COL5A2: variants seen among roughly 807,000 people sequenced by gnomAD.
COL5A2 encodes the protein collagen alpha-2(V) chain.
In COL5A2, 23 loss-of-function variants were observed where a neutral mutation model predicts 208.2. That is an observed-to-expected ratio of 0.11 (90% CI 0.08 to 0.16). COL5A2 has a LOEUF of 0.16. COL5A2 is among the 10% of genes least tolerant of loss of function. COL5A2 has a pLI of 1.00. For synonymous variants in COL5A2, 625 were observed against 628.5 expected, an observed-to-expected ratio of 0.99 and a Z score of 0.08; for missense variants, 1,590 against 1,956.4, an observed-to-expected ratio of 0.81 and a Z score of 3.53.
the COL5A2 span, among the ~76,000 whole-genome samples, chr2:189,383,170 G>A: frequency 1.3e-5 from 2 of 152,148 alleles, no homozygotes; most frequent in African/African-American, 4.8e-5. Flanking sequence ...CCACAGAATG[G>A]GTGGCTTAAA....
chr2:189,045,340 ATGTG>A (rs111268949), intron 46 of COL5A2, 108 bp from the exon 47 acceptor site: 1,092 of 578,912 alleles, frequency 1.9e-3, no homozygotes, highest in South Asian at 3.0e-3. Context: ...ATATATATAT[ATGTG>A]TGTGTGTGTG....
chr2:189,350,407 TCA>T, the COL5A2 span, among the ~76,000 whole-genome samples: 1 of 152,040 alleles, frequency 6.6e-6, no homozygotes, highest in Non-Finnish European at 1.5e-5. Context: ...CAGGCCCCAC[TCA>T]TATATAAGAA....
chr2:189,372,768 T>C, the COL5A2 span, among the ~76,000 whole-genome samples: 1 of 152,172 alleles, frequency 6.6e-6, no homozygotes, highest in East Asian at 1.9e-4. Flanking sequence ...CATTATAAAG[T>C]GGAATATATC....
chr2:189,276,597 A>T, the COL5A2 span, among the ~76,000 whole-genome samples: 1 of 152,148 alleles, frequency 6.6e-6, no homozygotes, highest in East Asian at 1.9e-4. Context: ...TTTCCATAGG[A>T]ATTGCTCAGT....
At chr2:189,419,758 T>G in the COL5A2 span, among the ~76,000 whole-genome samples, 10 of 150,936 alleles carry the variant, frequency 6.6e-5, no homozygotes, top group Non-Finnish European at 1.3e-4. Context: ...ATCCTACCAC[T>G]GCACTTCAGC....
At chr2:189,162,904 G>T (rs934232798) in intron 1 of COL5A2, among the ~76,000 whole-genome samples, 1 of 151,974 alleles carries the variant, frequency 6.6e-6, no homozygotes, top group Non-Finnish European at 1.5e-5. Context: ...AGATAAAGGA[G>T]GGCAAGCAGC....
At chr2:189,155,802 T>C (rs1174525419) in intron 1 of COL5A2, among the ~76,000 whole-genome samples, 1 of 152,186 alleles carries the variant, frequency 6.6e-6, no homozygotes, top group African/African-American at 2.4e-5. Context: ...ATGTCAGAAG[T>C]CTGAAATGGG....
the COL5A2 span, among the ~76,000 whole-genome samples, chr2:189,331,271 C>T: frequency 6.6e-6 from 1 of 152,162 alleles, no homozygotes; most frequent in Non-Finnish European, 1.5e-5. Flanking sequence ...TGGCTCACAC[C>T]TGTAATCCCA....
At chr2:189,311,820 TG>T in the COL5A2 span, 2 of 1,229,804 alleles carry the variant, frequency 1.6e-6, no homozygotes, top group Non-Finnish European at 1.2e-6. Context: ...TCCTGAGATT[TG>T]GGGGCATCTA....
chr2:189,085,583 G>A, intron 10 of COL5A2, 136 bp downstream of exon 10: 1 of 726,730 alleles, frequency 1.4e-6, no homozygotes, highest in Non-Finnish European at 2.5e-6. Flanking sequence ...ACAGTTCATA[G>A]AACAGGACTC....
chr2:189,402,107 T>C, the COL5A2 span, among the ~76,000 whole-genome samples: 1 of 152,356 alleles, frequency 6.6e-6, no homozygotes, highest in African/African-American at 2.4e-5. Flanking sequence ...TTTCTTGCAA[T>C]TGCTTTTGGC....
rs576248114 is a variant in COL5A2 at position 189,032,405 on chromosome 2, G to A, written c.*1665C>T. 1.3e-5 allele frequency: 2 copies of A among 152,176 alleles called. No individual in the cohort carries two copies. Among genetic ancestry groups the A allele is most frequent in the Admixed American group, 6.6e-5 (1 of 15,256 alleles). 9.4% of individuals were successfully genotyped at this position (152,176 alleles called of 1,614,324 possible). Reference sequence around the variant, plus strand: ...ACATACATGATAGAAGGTATCCGTTGTATCTTTTAAACAAATGGCAAACAA... The same window carrying A: ...ACATACATGATAGAAGGTATCCGTTATATCTTTTAAACAAATGGCAAACAA... On this transcript the variant is annotated 3_prime_UTR_variant, in exon 54 of 54. Coordinates refer to ENST00000374866, the MANE Select transcript of COL5A2 (RefSeq NM_000393.5).
At chr2:189,223,113 A>G (rs1179854321) in intron 1 of COL5A2, among the ~76,000 whole-genome samples, 1 of 152,216 alleles carries the variant, frequency 6.6e-6, no homozygotes, top group African/African-American at 2.4e-5. Context: ...AATTAGTTTT[A>G]TAACAAAATA....
At chr2:189,311,564 T>A in the COL5A2 span, 3 of 1,258,140 alleles carry the variant, frequency 2.4e-6, no homozygotes, top group Non-Finnish European at 2.3e-6. Flanking sequence ...CTGGGCGTAG[T>A]GGGCCTCCAC....
the COL5A2 span, among the ~76,000 whole-genome samples, chr2:189,335,198 G>T: frequency 6.6e-6 from 1 of 151,980 alleles, no homozygotes; most frequent in African/African-American, 2.4e-5. Flanking sequence ...TAAAACAGAA[G>T]CCATTAAAGA....
chr2:189,378,914 A>C, the COL5A2 span, among the ~76,000 whole-genome samples: 1 of 152,124 alleles, frequency 6.6e-6, no homozygotes. Flanking sequence ...TCTTATGACT[A>C]TTATTTATTT....
At chr2:189,222,233 A>G (rs1193836238) in intron 1 of COL5A2, among the ~76,000 whole-genome samples, 1 of 152,184 alleles carries the variant, frequency 6.6e-6, no homozygotes, top group East Asian at 1.9e-4. Flanking sequence ...CATCAGAATT[A>G]TCTGAGATGA....
chr2:189,412,138 C>T, the COL5A2 span, among the ~76,000 whole-genome samples: 1 of 152,152 alleles, frequency 6.6e-6, no homozygotes, highest in East Asian at 1.9e-4. Context: ...AAAAGAACAA[C>T]GTGTACTATC....
At chr2:189,241,740 T>C in the COL5A2 span, among the ~76,000 whole-genome samples, 1 of 152,204 alleles carries the variant, frequency 6.6e-6, no homozygotes, top group Admixed American at 6.5e-5. Context: ...GCTACTACAT[T>C]GATTGTCCTA....
Sources: gnomAD v4.1 joint callset for allele counts (sites outside exome capture counted in the v4.1 genomes callset) on GRCh38, gnomAD v4.1.1 for gene constraint, MANE v1.5 for transcripts, NCBI Gene and HGNC (gene_info 2026-07-23, HGNC 2026-07-21) for gene names.